The following SENP7 variants were observed in gnomAD, a reference collection of about 807,000 sequenced individuals.
SENP7 encodes the protein SUMO specific peptidase 7, also known as sentrin-specific protease 7.
A neutral mutation model predicts 141.2 loss-of-function variants in SENP7; 64 were observed. That is an observed-to-expected ratio of 0.45 (90% CI 0.37 to 0.56). The LOEUF is 0.56. SENP7 is among the 20% of genes least tolerant of loss of function. The probability of loss-of-function intolerance (pLI) is 0.00; values close to 1 mark genes in which losing one functional copy is unlikely to be tolerated. For missense variants in SENP7, 1,025 were observed against 1,212.2 expected (o/e 0.85, Z 2.29); for synonymous variants, 382 against 426.4 (o/e 0.90, Z 1.28).
intron 1 of SENP7, 49 bp downstream of exon 1, chr3:101,513,042 C>G: frequency 1.3e-6 from 2 of 1,599,442 alleles, no homozygotes; most frequent in South Asian, 1.1e-5. Flanking sequence ...CCTCCCGTTT[C>G]CCCCGGGTAG....
At chr3:101,482,185 C>T (rs2064514641) in intron 3 of SENP7, among the ~76,000 whole-genome samples, 1 of 151,736 alleles carries the variant, frequency 6.6e-6, no homozygotes, top group Non-Finnish European at 1.5e-5. Context: ...TGGTGGCGGG[C>T]ACCTGTAGTC....
At chr3:101,400,764 G>A (rs767125135) in intron 5 of SENP7, among the ~76,000 whole-genome samples, 2 of 151,636 alleles carry the variant, frequency 1.3e-5, no homozygotes, top group Admixed American at 6.6e-5. Flanking sequence ...AAATATTCAC[G>A]TGAAAGGAAG....
At chr3:101,412,102 C>T (rs2061472933) in intron 5 of SENP7, among the ~76,000 whole-genome samples, 1 of 152,110 alleles carries the variant, frequency 6.6e-6, no homozygotes, top group Non-Finnish European at 1.5e-5. Context: ...GAGCTATTAA[C>T]ATACAACTTC....
rs1473014425 is a variant in SENP7 at position 101,324,984 on chromosome 3, A to G, written c.*959T>C. 1 of 152,036 alleles carries G rather than the reference A, an allele frequency of 6.6e-6. No individual in the cohort carries two copies. Among genetic ancestry groups the G allele is most frequent in the Non-Finnish European group, 1.5e-5 (1 of 67,968 alleles). The allele number at this position is 152,036 out of a possible 1,614,324, so 9.4% of individuals were successfully genotyped here. A position where few individuals can be genotyped will look rare whatever the true frequency, so the allele number is the denominator to read the frequency against. ...AATTTAAAAATATAAAAGCAATGAG[A>G]GCAATCTGGCTTTGCAGATGAATAC... is the stretch of plus-strand genomic sequence containing the variant. On this transcript the variant is annotated 3_prime_UTR_variant, in exon 24 of 24. Coordinates refer to ENST00000394095, the MANE Select transcript of SENP7 (RefSeq NM_020654.5).
At chr3:101,361,347 A>G (rs1386334826) in intron 11 of SENP7, among the ~76,000 whole-genome samples, 4 of 152,176 alleles carry the variant, frequency 2.6e-5, no homozygotes, top group Non-Finnish European at 4.4e-5. Context: ...TTAATTTAGA[A>G]ATTTGGAGAA....
chr3:101,486,275 C>G (rs1248001106), intron 3 of SENP7, among the ~76,000 whole-genome samples: 1 of 152,126 alleles, frequency 6.6e-6, no homozygotes, highest in East Asian at 1.9e-4. Context: ...GAAATTTCAT[C>G]ACAAAAAGAT....
At chr3:101,389,551 C>A (rs2060753112) in intron 6 of SENP7, among the ~76,000 whole-genome samples, 1 of 151,698 alleles carries the variant, frequency 6.6e-6, no homozygotes, top group South Asian at 2.1e-4. Flanking sequence ...CCATACCTAG[C>A]AAAGTTATCC....
chr3:101,464,392 C>T (rs555738527), intron 3 of SENP7, among the ~76,000 whole-genome samples: 36 of 152,142 alleles, frequency 2.4e-4, no homozygotes, highest in Middle Eastern at 3.2e-3. Context: ...AAGTGAGCAA[C>T]TGAAACTTCA....
At chr3:101,361,156 G>C (rs2059888145) in intron 11 of SENP7, among the ~76,000 whole-genome samples, 1 of 151,614 alleles carries the variant, frequency 6.6e-6, no homozygotes, top group Non-Finnish European at 1.5e-5. Context: ...AGTGAGCCAA[G>C]ATCAGTGGAG....
rs866736397 is a variant in SENP7, at chr3:101,326,029, G to A, written c.3067C>T (p.Arg1023Cys). Residue 1023 changes from arginine (R) to cysteine (C), a missense_variant, in exon 24 of 24, where the codon CGT becomes TGT. By Grantham distance (180) the Arg-to-Cys change is radical. Coordinates refer to ENST00000394095, the MANE Select transcript of SENP7 (RefSeq NM_020654.5). The part of the protein sequence containing the change: ...LPIHLEKWFP[R>C]HVIKTKREDI... ...TCCCGTTTGGTCTTTATTACATGACGAGGAAACCACTTCTCCAAATGAATT... is the reference window on the plus strand; with the variant it reads ...TCCCGTTTGGTCTTTATTACATGACAAGGAAACCACTTCTCCAAATGAATT... The A allele has an allele frequency of 3.1e-6, 5 of 1,609,508 alleles. No homozygotes were observed. The highest frequency in any genetic ancestry group is 2.7e-5 in the African/African-American group (2 of 74,576).
At chr3:101,447,304 G>A (rs77790282) in intron 4 of SENP7, among the ~76,000 whole-genome samples, 20,961 of 152,016 alleles carry the variant, frequency 0.14, 1,471 homozygotes, top group South Asian at 0.18. Context: ...TTGGCCAAGC[G>A]TGGTGGCATG....
At chr3:101,443,318 T>G (rs2062754088) in intron 4 of SENP7, among the ~76,000 whole-genome samples, 1 of 152,134 alleles carries the variant, frequency 6.6e-6, no homozygotes, top group Non-Finnish European at 1.5e-5. Context: ...TATCTCTGTT[T>G]TGGTACCAGT....
At position 101,351,638 on chromosome 3, in the gene SENP7, TA is replaced by T; in HGVS notation, c.1636del (p.Tyr546IlefsTer10). The T allele has an allele frequency of 3.0e-6, 4 of 1,352,652 alleles. No homozygotes were observed. The highest frequency in any genetic ancestry group is 2.9e-6 in the Non-Finnish European group (3 of 1,030,510). 83.8% of individuals were successfully genotyped at this position (1,352,652 alleles called of 1,614,324 possible). ...SKGCVTITKK[Y>X]IKIPFQVSLN... ...CTTACCTTGAAATGGGATCTTAATA[TA>T]TTTTTTTGTGATCTGAAGAAAAAAT... On this transcript the variant is annotated frameshift_variant, in exon 12 of 24. Coordinates refer to ENST00000394095, the MANE Select transcript of SENP7 (RefSeq NM_020654.5). LOFTEE classifies it high-confidence loss of function.
chr3:101,331,957 A>G, intron 19 of SENP7, 28 bp downstream of exon 19: 2 of 1,607,974 alleles, frequency 1.2e-6, no homozygotes, highest in African/African-American at 1.3e-5. Context: ...ATCATTATTA[A>G]AAACACCATC....
chr3:101,484,746 G>T lies in SENP7; in HGVS notation c.186+9127C>A, dbSNP rs114663281. On this transcript the variant is annotated intron_variant, in intron 3 of 23. Transcript: ENST00000394095. ...CCCTGGGAGCTCGCTGCGTCCCCTAGCAAGCCATTCCTGCCTGGCACCACA... is the reference window on the plus strand; with the variant it reads ...CCCTGGGAGCTCGCTGCGTCCCCTATCAAGCCATTCCTGCCTGGCACCACA... Among the ~76,000 whole-genome samples the T allele has an allele frequency of 9.1e-3, 1,391 of 152,258 alleles. 18 individuals are homozygous for T. The highest frequency in any genetic ancestry group is 0.032 in the African/African-American group (1,319 of 41,532).
At chr3:101,385,864 G>T (rs1232742416) in intron 6 of SENP7, among the ~76,000 whole-genome samples, 1 of 152,162 alleles carries the variant, frequency 6.6e-6, no homozygotes, top group Non-Finnish European at 1.5e-5. Context: ...CTCCTCAAAT[G>T]AGCAGACAAC....
intron 3 of SENP7, among the ~76,000 whole-genome samples, chr3:101,459,293 C>CT (rs769623691): frequency 3.9e-5 from 6 of 152,072 alleles, no homozygotes; most frequent in South Asian, 2.1e-4. Flanking sequence ...AAAATCAACA[C>CT]TTTGAGATTC....
intron 17 of SENP7, 62 bp downstream of exon 17, chr3:101,337,447 T>C: frequency 8.2e-7 from 1 of 1,222,686 alleles, no homozygotes; most frequent in East Asian, 2.5e-5. Context: ...GCCACTTTAC[T>C]AGGAGCATCA....
intron 6 of SENP7, among the ~76,000 whole-genome samples, chr3:101,379,395 T>C (rs1044449418): frequency 6.6e-6 from 1 of 151,836 alleles, no homozygotes; most frequent in Non-Finnish European, 1.5e-5. Context: ...TTCATCAGAG[T>C]AAAAAGGCAA....
Sources: allele counts gnomAD v4.1 joint callset (sites outside exome capture counted in the v4.1 genomes callset), GRCh38; gene constraint gnomAD v4.1.1; transcripts MANE v1.5; gene names NCBI Gene and HGNC (gene_info 2026-07-23, HGNC 2026-07-21).